GRAMD1B: variants seen among roughly 807,000 people sequenced by gnomAD.
GRAMD1B encodes protein Aster-B.
A neutral mutation model predicts 99.7 loss-of-function variants in GRAMD1B; 37 were observed. The observed-to-expected ratio is 0.37, with a 90% CI of 0.29 to 0.49. The LOEUF (loss-of-function observed/expected upper bound fraction) is 0.49. Among genes scored for constraint, GRAMD1B ranks in the 20% least tolerant of loss-of-function variants. The probability of loss-of-function intolerance (pLI) is 0.98; values close to 1 mark genes in which losing one functional copy is unlikely to be tolerated. For synonymous variants in GRAMD1B, 427 were observed against 387.6 expected, an observed-to-expected ratio of 1.10 and a Z score of -1.19; for missense variants, 888 against 1,009.2, an observed-to-expected ratio of 0.88 and a Z score of 1.63.
chr11:123,364,461 A>G (rs7123275), intron 1 of GRAMD1B, among the ~76,000 whole-genome samples: 30,496 of 152,234 alleles, frequency 0.2, 7,077 homozygotes, highest in African/African-American at 0.57. Context: ...TAAGGGGAAG[A>G]CAGAAGCCGC....
chr11:123,460,752 C>G (rs1950372829), intron 1 of GRAMD1B, among the ~76,000 whole-genome samples: 1 of 152,198 alleles, frequency 6.6e-6, no homozygotes. Flanking sequence ...TGAAAGGATT[C>G]TTTCTGGAAA....
chr11:123,581,495 C>T (rs775308689), intron 3 of GRAMD1B, among the ~76,000 whole-genome samples: 30 of 152,208 alleles, frequency 2.0e-4, no homozygotes, highest in Middle Eastern at 3.2e-3. Flanking sequence ...TGCAGAACCA[C>T]GGGGATTGAA....
chr11:123,423,735 A>G (rs775017013), intron 1 of GRAMD1B, among the ~76,000 whole-genome samples: 3 of 152,346 alleles, frequency 2.0e-5, no homozygotes, highest in South Asian at 2.1e-4. Context: ...TTTAAAAAGT[A>G]TAAGTTTTAA....
intron 2 of GRAMD1B, among the ~76,000 whole-genome samples, chr11:123,540,668 G>A (rs2135697463): frequency 6.6e-6 from 1 of 151,970 alleles, no homozygotes; most frequent in African/African-American, 2.4e-5. Context: ...AGAGCCAAAA[G>A]AAAACGAAAT....
chr11:123,558,330 G>T (rs1280264932), intron 2 of GRAMD1B, among the ~76,000 whole-genome samples: 2 of 152,030 alleles, frequency 1.3e-5, no homozygotes, highest in Non-Finnish European at 1.5e-5. Flanking sequence ...CCTACATGCT[G>T]GAGGGACATG....
chr11:123,526,062 C>G (rs981997422), intron 2 of GRAMD1B: 5 of 1,144,030 alleles, frequency 4.4e-6, no homozygotes, highest in Admixed American at 1.8e-5. Flanking sequence ...TTTGGGACTT[C>G]GTCATCTTTT....
chr11:123,599,131 C>T lies in GRAMD1B; in HGVS notation c.970-1337C>T. The T allele has an allele frequency of 3.7e-6, 3 of 819,134 alleles. No individual in the cohort carries two copies. The Admixed American group carries it at 5.1e-5, about 14-fold the overall frequency. 50.7% of individuals were successfully genotyped at this position (819,134 alleles called of 1,614,324 possible). On this transcript the variant is annotated intron_variant, in intron 7 of 19. Coordinates refer to ENST00000635736, the MANE Select transcript of GRAMD1B (RefSeq NM_001387025.1). ...GCCTTCAGGAGCTCCTCAAATTCCA[C>T]TGACATTGCCACATAGATCTCATTT...
chr11:123,371,653 G>A (rs1830584815), intron 1 of GRAMD1B, among the ~76,000 whole-genome samples: 1 of 152,160 alleles, frequency 6.6e-6, no homozygotes, highest in Admixed American at 6.5e-5. Flanking sequence ...ACAGACACAT[G>A]CTTTTTTACA....
intron 3 of GRAMD1B, among the ~76,000 whole-genome samples, chr11:123,581,641 G>T (rs529657816): frequency 8.9e-4 from 136 of 152,332 alleles, no homozygotes; most frequent in African/African-American, 3.2e-3. Flanking sequence ...CCTGGAGATT[G>T]CTGGTTCAGG....
intron 1 of GRAMD1B, 93 bp downstream of exon 1, chr11:123,431,259 G>A (rs1948873980): frequency 1.7e-6 from 1 of 603,758 alleles, no homozygotes; most frequent in Non-Finnish European, 3.0e-6. Flanking sequence ...AACGTCCTGG[G>A]GGAGAACAGG....
chr11:123,433,080 G>C (rs1469132152), intron 1 of GRAMD1B, among the ~76,000 whole-genome samples: 1 of 152,122 alleles, frequency 6.6e-6, no homozygotes, highest in Non-Finnish European at 1.5e-5. Context: ...CAGGCCAGGG[G>C]CGGTGGCTAA....
chr11:123,495,050 T>C (rs1939072871), intron 2 of GRAMD1B, among the ~76,000 whole-genome samples: 1 of 151,974 alleles, frequency 6.6e-6, no homozygotes, highest in Non-Finnish European at 1.5e-5. Flanking sequence ...AAGTTGATGC[T>C]CCGGCTTGGA....
intron 1 of GRAMD1B, among the ~76,000 whole-genome samples, chr11:123,390,091 T>TAA (rs58900383): frequency 2.8e-4 from 38 of 136,258 alleles, no homozygotes; most frequent in African/African-American, 9.4e-4. Flanking sequence ...TCTTCTAAAA[T>TAA]AAAAAAAAAT....
At chr11:123,433,286 G>A (rs924797097) in intron 1 of GRAMD1B, among the ~76,000 whole-genome samples, 2 of 152,160 alleles carry the variant, frequency 1.3e-5, no homozygotes, top group African/African-American at 4.8e-5. Flanking sequence ...GCCAAGGCGG[G>A]AGAATTGCTT....
At chr11:123,432,620 C>T (rs575191245) in intron 1 of GRAMD1B, among the ~76,000 whole-genome samples, 3 of 151,074 alleles carry the variant, frequency 2.0e-5, no homozygotes, top group East Asian at 3.9e-4. Flanking sequence ...CTGTGTGGTA[C>T]TGATTGTACT....
intron 2 of GRAMD1B, among the ~76,000 whole-genome samples, chr11:123,540,528 TTC>T (rs1944405372): frequency 6.6e-6 from 1 of 152,240 alleles, no homozygotes; most frequent in African/African-American, 2.4e-5. Flanking sequence ...TACATATGTC[TTC>T]TCTTTAGTAA....
chr11:123,369,877 C>A (rs1946462177), intron 1 of GRAMD1B, among the ~76,000 whole-genome samples: 1 of 150,944 alleles, frequency 6.6e-6, no homozygotes, highest in Non-Finnish European at 1.5e-5. Flanking sequence ...CAGTGAGACC[C>A]TGTCTCAAAA....
chr11:123,405,518 G>C (rs547088953), intron 1 of GRAMD1B, among the ~76,000 whole-genome samples: 2 of 152,196 alleles, frequency 1.3e-5, no homozygotes, highest in African/African-American at 2.4e-5. Context: ...AGGCTGCTGC[G>C]GATAACTTGG....
chr11:123,566,601 C>T (rs1016708486), intron 2 of GRAMD1B, among the ~76,000 whole-genome samples: 2 of 152,134 alleles, frequency 1.3e-5, no homozygotes, highest in African/African-American at 4.8e-5. Flanking sequence ...CCCGTCTCTA[C>T]TAAAAATACA....
Sources: gnomAD v4.1 joint callset for allele counts (sites outside exome capture counted in the v4.1 genomes callset) on GRCh38, gnomAD v4.1.1 for gene constraint, MANE v1.5 for transcripts, NCBI Gene and HGNC (gene_info 2026-07-23, HGNC 2026-07-21) for gene names.